NBAS: variants seen among roughly 807,000 people sequenced by gnomAD.
NBAS encodes the protein NAG/BC035112 fusion.
NBAS carries 219 observed loss-of-function variants against 302.5 expected under a neutral mutation model. The observed-to-expected ratio is 0.72, with a 90% CI of 0.65 to 0.81. The LOEUF is 0.81. Among genes scored for constraint, NBAS ranks in the 30% least tolerant of loss-of-function variants. NBAS has a pLI of 0.00. For synonymous variants in NBAS, 1,118 were observed against 1,021.6 expected, an observed-to-expected ratio of 1.09 and a Z score of -1.80; for missense variants, 2,932 against 2,841.6, an observed-to-expected ratio of 1.03 and a Z score of -0.72.
At chr2:15,327,214 C>T (rs748759915) in intron 38 of NBAS, among the ~76,000 whole-genome samples, 37 of 151,880 alleles carry the variant, frequency 2.4e-4, no homozygotes, top group Non-Finnish European at 4.7e-4. Context: ...CTAAGGATGG[C>T]AGAGCAGAGA....
At chr2:15,521,343 GAA>G in intron 9 of NBAS, among the ~76,000 whole-genome samples, 2 of 152,242 alleles carry the variant, frequency 1.3e-5, no homozygotes, top group Middle Eastern at 3.4e-3. Flanking sequence ...TTTCACCGAA[GAA>G]AAGTTTGGAA....
the NBAS span, among the ~76,000 whole-genome samples, chr2:14,994,667 C>A: frequency 6.6e-6 from 1 of 152,214 alleles, no homozygotes; most frequent in Non-Finnish European, 1.5e-5. Flanking sequence ...GCCTCTAGCA[C>A]CTGTAGCCCT....
rs764588831 is a variant in NBAS, at chr2:15,467,679, A to G, written c.2003T>C (p.Leu668Ser). The change falls in exon 18 of 52, where the codon TTA becomes TCA. Residue 668 changes from leucine (L) to serine (S), a missense_variant. Physicochemically the swap from Leu to Ser is moderately radical, Grantham distance 145 (BLOSUM62 -2). Transcript: ENST00000281513. ...ACTCATTTACTTGGAAAAGTTCACT[A>G]ATTTCAGTAGTTCTTGTCTCTTCTT... ...ELKKRQELLKLVNFSKLTLEQ... is the reference protein window; with the variant it reads ...ELKKRQELLKSVNFSKLTLEQ... 3.7e-6 allele frequency: 6 copies of G among 1,612,296 alleles called. No individual in the cohort carries two copies. The African/African-American group carries it at 4.0e-5, about 11-fold the overall frequency.
the NBAS span, among the ~76,000 whole-genome samples, chr2:15,078,580 C>T: frequency 3.9e-5 from 6 of 152,160 alleles, no homozygotes; most frequent in Non-Finnish European, 8.8e-5. Context: ...CTTTGATCTC[C>T]GTCAGTTTCA....
At chr2:15,245,031 G>C (rs1244376423) in intron 44 of NBAS, among the ~76,000 whole-genome samples, 1 of 152,060 alleles carries the variant, frequency 6.6e-6, no homozygotes, top group Non-Finnish European at 1.5e-5. Flanking sequence ...GGCCCTGAGG[G>C]AGGCGTCTGT....
chr2:15,396,598 A>G (rs1439940822), intron 26 of NBAS, 123 bp from the exon 27 acceptor site: 2 of 599,088 alleles, frequency 3.3e-6, no homozygotes, highest in Non-Finnish European at 5.8e-6. Context: ...TAACAATATT[A>G]TCTAAATTCA....
intron 32 of NBAS, among the ~76,000 whole-genome samples, chr2:15,358,029 G>C (rs150793896): frequency 2.4e-4 from 36 of 152,180 alleles, no homozygotes; most frequent in African/African-American, 7.9e-4. Flanking sequence ...TAAGGTTGTG[G>C]AGTGTCTCTC....
chr2:15,173,101 T>A (rs1434484217), intron 51 of NBAS, among the ~76,000 whole-genome samples: 1 of 152,214 alleles, frequency 6.6e-6, no homozygotes, highest in African/African-American at 2.4e-5. Flanking sequence ...CTTATATATA[T>A]CAGAAGATGA....
intron 48 of NBAS, among the ~76,000 whole-genome samples, chr2:15,201,402 C>A (rs758664082): frequency 1.6e-4 from 24 of 152,118 alleles, no homozygotes; most frequent in Non-Finnish European, 2.8e-4. Context: ...TTTCAGGTGG[C>A]CAATAATGCC....
intron 48 of NBAS, among the ~76,000 whole-genome samples, chr2:15,196,321 A>G (rs1054808795): frequency 3.9e-5 from 6 of 152,218 alleles, no homozygotes; most frequent in African/African-American, 1.4e-4. Context: ...AATGAGTACA[A>G]GTAAAACTTG....
intron 44 of NBAS, among the ~76,000 whole-genome samples, chr2:15,274,453 GAGCTCCAAAGGCAAC>G (rs1669476128): frequency 6.6e-6 from 1 of 152,298 alleles, no homozygotes; most frequent in Non-Finnish European, 1.5e-5. Flanking sequence ...GATTAAACAG[GAGCTCCAAAGGCAAC>G]AGAGTTCAGC....
the NBAS span, among the ~76,000 whole-genome samples, chr2:14,885,903 G>A: frequency 7.2e-5 from 11 of 152,308 alleles, no homozygotes; most frequent in East Asian, 1.7e-3. Context: ...CAGTTTTACC[G>A]AAGTGGTGGG....
the NBAS span, among the ~76,000 whole-genome samples, chr2:14,817,727 T>C: frequency 5.3e-5 from 8 of 152,116 alleles, no homozygotes; most frequent in African/African-American, 2.4e-5. Flanking sequence ...GAACTATTAT[T>C]CTCTGTAAAA....
rs774606823 is a variant in NBAS, at chr2:15,275,466, A to C, written c.5724+18T>G. 192 of 1,611,346 alleles carry C rather than the reference A, an allele frequency of 1.2e-4. No individual in the cohort carries two copies. Among genetic ancestry groups the C allele is most frequent in the Non-Finnish European group, 1.6e-4 (186 of 1,178,298 alleles). Reference sequence around the variant, plus strand: ...CTTCTACTGTGCTCAAACCACTTTAAAATATCTTTTTGTTTACCTTGGTCA... The same window carrying C: ...CTTCTACTGTGCTCAAACCACTTTACAATATCTTTTTGTTTACCTTGGTCA... On this transcript the variant is annotated intron_variant, in intron 44 of 51. Transcript: ENST00000281513.
At chr2:15,488,283 C>T (rs1422594979) in intron 12 of NBAS, among the ~76,000 whole-genome samples, 1 of 152,168 alleles carries the variant, frequency 6.6e-6, no homozygotes, top group African/African-American at 2.4e-5. Flanking sequence ...TTTACTCTAT[C>T]ACAATACATG....
chr2:15,537,015 T>A (rs1663551925), intron 7 of NBAS, among the ~76,000 whole-genome samples: 3 of 152,336 alleles, frequency 2.0e-5, no homozygotes, highest in South Asian at 4.1e-4. Context: ...ACTCACTCAG[T>A]GTTAACCTTT....
At position 15,234,819 on chromosome 2, in the gene NBAS, C is replaced by T. The variant is rs2147934610; in HGVS notation, c.5944-72G>A. ...ATGTATCTACATGCACAAAGTGAAA[C>T]ATATTTAGATCCTCGAACCAAATAC... On this transcript the variant is annotated intron_variant, in intron 45 of 51. Transcript: ENST00000281513. 2.0e-6 allele frequency: 3 copies of T among 1,477,294 alleles called. No individual in the cohort carries two copies. In the Admixed American group the frequency reaches 5.0e-5, roughly 25 times the overall value. The allele number at this position is 1,477,294 out of a possible 1,614,324, so 91.5% of individuals were successfully genotyped here. A position where few individuals can be genotyped will look rare whatever the true frequency, so the allele number is the denominator to read the frequency against.
intron 38 of NBAS, among the ~76,000 whole-genome samples, chr2:15,317,581 G>A (rs1319630017): frequency 6.6e-6 from 1 of 152,166 alleles, no homozygotes; most frequent in Non-Finnish European, 1.5e-5. Flanking sequence ...TGAAAACCAT[G>A]GCACGAGAAC....
At chr2:15,247,678 C>A (rs140667313) in intron 44 of NBAS, among the ~76,000 whole-genome samples, 4,189 of 150,878 alleles carry the variant, frequency 0.028, 110 homozygotes, top group East Asian at 0.085. Flanking sequence ...CTCTCTCTCT[C>A]TCTATATATA....
Sources: allele counts gnomAD v4.1 joint callset (sites outside exome capture counted in the v4.1 genomes callset), GRCh38; gene constraint gnomAD v4.1.1; transcripts MANE v1.5; gene names NCBI Gene and HGNC (gene_info 2026-07-23, HGNC 2026-07-21).